Variants in ATP9B observed in about 807,000 individuals in gnomAD.
ATP9B encodes the protein ATPase phospholipid transporting 9B, also known as probable phospholipid-transporting ATPase IIB.
ATP9B carries 110 observed loss-of-function variants against 146.1 expected under a neutral mutation model. That is an observed-to-expected ratio of 0.75 (90% CI 0.65 to 0.88). The LOEUF (loss-of-function observed/expected upper bound fraction) is 0.88. ATP9B is among the 40% of genes least tolerant of loss of function. The pLI is 0.00. For synonymous variants in ATP9B, 604 were observed against 569.7 expected (o/e 1.06, Z -0.86); for missense variants, 1,499 against 1,496.4 (o/e 1.00, Z -0.03).
chr18:79,183,677 T>A (rs1352660921), intron 8 of ATP9B, among the ~76,000 whole-genome samples: 1 of 152,098 alleles, frequency 6.6e-6, no homozygotes, highest in Non-Finnish European at 1.5e-5. Flanking sequence ...ATGCTTTGAC[T>A]ATTTCTACTC....
Position 79,330,032 on chromosome 18 carries a change from C to G in ATP9B, c.1956C>G (p.Ile652Met). ...VIVRDESTAE[I>M]TFYMKGADVA... ...GATAGGATGAATCCACGGCAGAAAT[C>G]ACATTCTACATGAAGGGCGCTGACG... The change falls in exon 17 of 30, where the codon ATC becomes ATG. Residue 652 changes from isoleucine to methionine, a missense_variant. Ile to Met is a conservative substitution (Grantham distance 10). Transcript: ENST00000426216. The G allele has an allele frequency of 6.2e-7, 1 of 1,614,120 alleles. No individual in the cohort carries two copies. The highest frequency in any genetic ancestry group is 8.5e-7 in the Non-Finnish European group (1 of 1,179,960).
intron 14 of ATP9B, among the ~76,000 whole-genome samples, chr18:79,305,482 A>C (rs562037627): frequency 2.7e-4 from 41 of 150,338 alleles, no homozygotes; most frequent in African/African-American, 9.6e-4. Flanking sequence ...TTAGATACGG[A>C]ATATTTGTAA....
chr18:79,311,614 A>G (rs139470376), intron 15 of ATP9B, among the ~76,000 whole-genome samples: 127 of 152,344 alleles, frequency 8.3e-4, no homozygotes, highest in African/African-American at 3.0e-3. Context: ...AAAATATACT[A>G]ATTTAGCAAT....
At chr18:79,091,158 A>G (rs1472645036) in intron 1 of ATP9B, among the ~76,000 whole-genome samples, 2 of 152,204 alleles carry the variant, frequency 1.3e-5, no homozygotes, top group Non-Finnish European at 2.9e-5. Context: ...TTTTTATGCC[A>G]GTAACTTGCT....
intron 4 of ATP9B, among the ~76,000 whole-genome samples, chr18:79,114,296 A>G (rs1308440395): frequency 6.6e-6 from 1 of 152,176 alleles, no homozygotes; most frequent in African/African-American, 2.4e-5. Context: ...CCTTTTGGGC[A>G]GATGACCCGA....
chr18:79,118,421 G>GAC (rs1269497316), intron 4 of ATP9B, among the ~76,000 whole-genome samples: 1 of 46,150 alleles, frequency 2.2e-5, no homozygotes, highest in South Asian at 1.1e-3. Flanking sequence ...TTTTTTTTGA[G>GAC]ACAGAGTCTT....
chr18:79,109,078 G>C (rs1568192790), intron 2 of ATP9B, among the ~76,000 whole-genome samples: 1 of 152,126 alleles, frequency 6.6e-6, no homozygotes, highest in Non-Finnish European at 1.5e-5. Context: ...TCATTTTCAT[G>C]CAAAACTTTT....
Position 79,118,639 on chromosome 18 carries a change from A to G in ATP9B, c.558+5285A>G, listed in dbSNP as rs111615449. 8.8e-3 allele frequency among the ~76,000 whole-genome samples: 1,335 copies of G among 151,870 alleles called. 19 individuals are homozygous for G. The highest frequency in any genetic ancestry group is 0.029 in the African/African-American group (1,213 of 41,428). On this transcript the variant is annotated intron_variant, in intron 4 of 29. Transcript: ENST00000426216. ...ATGGTCTCGATCTCCTGACCTCGTG[A>G]TCCGTCCGCCTCAGCCTCCCAAAGT...
chr18:79,236,185 T>G (rs1488684234), intron 11 of ATP9B, among the ~76,000 whole-genome samples: 1 of 152,242 alleles, frequency 6.6e-6, no homozygotes, highest in Non-Finnish European at 1.5e-5. Flanking sequence ...ATTTTAGCAT[T>G]CTAGTGAGTA....
In ATP9B at chr18:79,107,735, G is replaced by A. The variant is rs577909937; in HGVS notation, c.294-2620G>A. Among the ~76,000 whole-genome samples, 7 of 152,284 alleles carry A rather than the reference G, an allele frequency of 4.6e-5. No homozygotes were observed. The South Asian group carries it at 1.0e-3, about 23-fold the overall frequency. ...TTTTTTTCCCATCATCTCTTGAATGGCTGTGGTGCCATGCCTGGGCTGAGG... is the reference window on the plus strand; with the variant it reads ...TTTTTTTCCCATCATCTCTTGAATGACTGTGGTGCCATGCCTGGGCTGAGG... On this transcript the variant is annotated intron_variant, in intron 2 of 29. Transcript: ENST00000426216.
chr18:79,239,834 T>A lies in ATP9B; in HGVS notation c.1108-13547T>A, dbSNP rs969958209. Among the ~76,000 whole-genome samples the A allele has an allele frequency of 6.6e-6, 1 of 152,214 alleles. No individual in the cohort carries two copies. Among genetic ancestry groups the A allele is most frequent in the Non-Finnish European group, 1.5e-5 (1 of 68,036 alleles). Reference sequence around the variant, plus strand: ...TCAGTTAATTATTACACGGAGGCGTTACTGAAGAGGCATCTGAATGTGGCT... The same window carrying A: ...TCAGTTAATTATTACACGGAGGCGTAACTGAAGAGGCATCTGAATGTGGCT... On this transcript the variant is annotated intron_variant, in intron 11 of 29. Coordinates refer to ENST00000426216, the MANE Select transcript of ATP9B (RefSeq NM_198531.5). The surrounding 1 kb of genome is among the most constrained non-coding windows in gnomAD (Gnocchi z 5.1).
chr18:79,348,165 G>C lies in ATP9B; in HGVS notation c.2872G>C (p.Val958Leu). The C allele has an allele frequency of 6.2e-7, 1 of 1,608,182 alleles. No individual in the cohort carries two copies. Among genetic ancestry groups the C allele is most frequent in the Non-Finnish European group, 8.5e-7 (1 of 1,178,230 alleles). Residue 958 changes from valine to leucine, a missense_variant, in exon 25 of 30, where the codon GTC (valine) becomes CTC (leucine). By Grantham distance (32) the Val-to-Leu change is conservative. Transcript: ENST00000426216. Reference protein sequence around the residue: ...VFSSVFYFASVPLYQGFLMVG... With the variant: ...VFSSVFYFASLPLYQGFLMVG... ...TTCCTCAGTCTTCTACTTCGCATCC[G>C]TCCCTTTGTATCAGGGCTTCCTCAT...
At chr18:79,351,395 A>C (rs1446234756) in intron 25 of ATP9B, among the ~76,000 whole-genome samples, 2 of 152,218 alleles carry the variant, frequency 1.3e-5, no homozygotes, top group Non-Finnish European at 2.9e-5. Context: ...CACAAAAGAA[A>C]CGTCTGTGAC....
At chr18:79,337,201 C>T in intron 18 of ATP9B, 78 bp from the exon 19 acceptor site, 1 of 1,555,662 alleles carries the variant, frequency 6.4e-7, no homozygotes, top group African/African-American at 1.4e-5. Flanking sequence ...GTCCCCACAG[C>T]CCATGCAGTC....
At chr18:79,371,902 C>G (rs113177745) in intron 26 of ATP9B, among the ~76,000 whole-genome samples, 3,363 of 152,368 alleles carry the variant, frequency 0.022, 55 homozygotes, top group Middle Eastern at 0.054. Context: ...CTTAGCACCA[C>G]CAGCCTCCAG....
intron 26 of ATP9B, chr18:79,361,845 TG>T: frequency 1.0e-6 from 1 of 980,204 alleles, no homozygotes. Context: ...TCAGTGTCAG[TG>T]GACACCAAGT....
chr18:79,198,001 A>G (rs2095432322), intron 9 of ATP9B, among the ~76,000 whole-genome samples: 1 of 152,238 alleles, frequency 6.6e-6, no homozygotes, highest in Non-Finnish European at 1.5e-5. Context: ...GATATTATTA[A>G]ATGCAACAGC....
chr18:79,212,717 C>T (rs1419620057), intron 10 of ATP9B, among the ~76,000 whole-genome samples: 1 of 152,056 alleles, frequency 6.6e-6, no homozygotes, highest in African/African-American at 2.4e-5. Context: ...TTTAATATTT[C>T]TCTGCGTAGT....
chr18:79,303,156 G>A (rs566047565), intron 13 of ATP9B, among the ~76,000 whole-genome samples: 214 of 152,278 alleles, frequency 1.4e-3, no homozygotes, highest in Non-Finnish European at 2.6e-3. Flanking sequence ...CAGAAGGATC[G>A]CTTGAGACCA....
Sources: allele counts gnomAD v4.1 joint callset (sites outside exome capture counted in the v4.1 genomes callset), GRCh38; gene constraint gnomAD v4.1.1; non-coding constraint Gnocchi (gnomAD v3.1); transcripts MANE v1.5; gene names NCBI Gene and HGNC (gene_info 2026-07-23, HGNC 2026-07-21).